Variants in SOX6 observed in about 807,000 individuals in gnomAD.
The protein encoded by SOX6 is SRY-box transcription factor 6, also known as transcription factor SOX-6.
A neutral mutation model predicts 97.8 loss-of-function variants in SOX6; 11 were observed. The observed-to-expected ratio is 0.11, with a 90% CI of 0.07 to 0.19. The LOEUF is 0.19. Among genes scored for constraint, SOX6 ranks in the 10% least tolerant of loss-of-function variants. The pLI, the probability that SOX6 is intolerant of heterozygous loss-of-function variation, is 1.00. For synonymous variants in SOX6, 360 were observed against 371.4 expected (o/e 0.97, Z 0.35); for missense variants, 810 against 1,039.5 (o/e 0.78, Z 3.04).
At chr11:16,372,463 A>G (rs928069207) in intron 1 of SOX6, among the ~76,000 whole-genome samples, 4 of 152,144 alleles carry the variant, frequency 2.6e-5, no homozygotes, top group African/African-American at 9.6e-5. Flanking sequence ...AGAGCCAACT[A>G]ATCAAGGTTG....
chr11:16,042,326 G>A (rs1410982062), intron 12 of SOX6, among the ~76,000 whole-genome samples: 1 of 152,032 alleles, frequency 6.6e-6, no homozygotes, highest in Admixed American at 6.6e-5. Context: ...TTTCCTGACT[G>A]GTAGCTTTCC....
intron 6 of SOX6, among the ~76,000 whole-genome samples, chr11:16,150,265 C>A (rs768305315): frequency 3.9e-5 from 6 of 152,068 alleles, no homozygotes; most frequent in Non-Finnish European, 8.8e-5. Context: ...TATAAGTAAC[C>A]ACTATTCAGA....
In SOX6 at chr11:16,271,037, C is replaced by T. The variant is rs1240202595; in HGVS notation, c.446-36366G>A. Among the ~76,000 whole-genome samples the T allele has an allele frequency of 2.0e-5, 3 of 150,986 alleles. No homozygotes were observed. In the East Asian group the frequency reaches 5.8e-4, roughly 29 times the overall value. On this transcript the variant is annotated intron_variant, in intron 3 of 15. Coordinates refer to ENST00000683767, the MANE Select transcript of SOX6 (RefSeq NM_001367873.1). ...AACTTTTATGTTATATTTATTTTACCACAGTAGAAATCAGAGAAAGAATAC... is the reference window on the plus strand; with the variant it reads ...AACTTTTATGTTATATTTATTTTACTACAGTAGAAATCAGAGAAAGAATAC...
At chr11:16,641,719 A>G (rs1848917627) in intron 3 of SOX6, among the ~76,000 whole-genome samples, 2 of 152,076 alleles carry the variant, frequency 1.3e-5, no homozygotes, top group Non-Finnish European at 2.9e-5. Context: ...TCAGAGACTA[A>G]GATTGCAACC....
At chr11:16,133,932 GC>G (rs1198213780) in intron 6 of SOX6, among the ~76,000 whole-genome samples, 1 of 152,134 alleles carries the variant, frequency 6.6e-6, no homozygotes, top group African/African-American at 2.4e-5. Flanking sequence ...TGATCTGCCT[GC>G]CTTGGACTCC....
rs191461867 is a variant in SOX6, at chr11:16,638,416, T to C, written n.430-26156A>G. ...CATGATTTATAATCCTTTGGGTATA[T>C]ACCAAAGGATTATACCCAGTAATGG... On this transcript the variant is annotated intron_variant and non_coding_transcript_variant, in intron 3 of 5. Coordinates refer to the SOX6 transcript ENST00000524520. Among the ~76,000 whole-genome samples, 1,219 of 152,280 alleles carry C rather than the reference T, an allele frequency of 8.0e-3. 20 individuals are homozygous for C. The highest frequency in any genetic ancestry group is 0.027 in the African/African-American group (1,106 of 41,546).
In SOX6 at chr11:15,969,219, C is replaced by T. The variant is rs1853234468; in HGVS notation, c.*3590G>A. 6.6e-6 allele frequency: 1 copy of T among 151,984 alleles called. No individual in the cohort carries two copies. Among genetic ancestry groups the T allele is most frequent in the Non-Finnish European group, 1.5e-5 (1 of 68,022 alleles). 9.4% of individuals were successfully genotyped at this position (151,984 alleles called of 1,614,324 possible). A position where few individuals can be genotyped will look rare whatever the true frequency, so the allele number is the denominator to read the frequency against. On this transcript the variant is annotated 3_prime_UTR_variant, in exon 16 of 16. Coordinates refer to ENST00000683767, the MANE Select transcript of SOX6 (RefSeq NM_001367873.1). ...TGAAGATACTATGAAATAGGGAGCA[C>T]CGCAAAAACAAAGTTGCTTAACATT...
chr11:16,489,261 C>A (rs567169420), intron 4 of SOX6, among the ~76,000 whole-genome samples: 39 of 152,236 alleles, frequency 2.6e-4, no homozygotes, highest in Non-Finnish European at 4.4e-4. Context: ...ACAGAGTTCA[C>A]ACTTGCAAAG....
At chr11:16,655,520 T>C (rs1029155143) in intron 3 of SOX6, among the ~76,000 whole-genome samples, 1 of 152,214 alleles carries the variant, frequency 6.6e-6, no homozygotes, top group African/African-American at 2.4e-5. Flanking sequence ...AGTTCTGCAA[T>C]TCACAGTCCT....
intron 4 of SOX6, among the ~76,000 whole-genome samples, chr11:16,535,301 A>G (rs1342959442): frequency 6.6e-6 from 1 of 152,230 alleles, no homozygotes; most frequent in African/African-American, 2.4e-5. Flanking sequence ...CTAACAGGGA[A>G]AGCTATTATT....
At chr11:16,714,580 T>C (rs1400469864) in intron 3 of SOX6, among the ~76,000 whole-genome samples, 1 of 149,488 alleles carries the variant, frequency 6.7e-6, no homozygotes, top group Non-Finnish European at 1.5e-5. Context: ...GCCTCCCGAA[T>C]AGCTGGGACT....
chr11:16,295,714 C>T (rs1400285808), intron 3 of SOX6, among the ~76,000 whole-genome samples: 5 of 152,038 alleles, frequency 3.3e-5, no homozygotes, highest in Non-Finnish European at 7.4e-5. Context: ...CCCATTCACA[C>T]CGATTTTAAT....
At chr11:16,107,398 T>TACATATATAC (rs1590200860) in intron 7 of SOX6, among the ~76,000 whole-genome samples, 1 of 147,326 alleles carries the variant, frequency 6.8e-6, no homozygotes, top group East Asian at 2.0e-4. Flanking sequence ...TATATATGTA[T>TACATATATAC]ATATATGTAT....
intron 4 of SOX6, among the ~76,000 whole-genome samples, chr11:16,575,568 G>T (rs1847979348): frequency 6.6e-6 from 1 of 152,086 alleles, no homozygotes; most frequent in Non-Finnish European, 1.5e-5. Flanking sequence ...CAATGAAGTA[G>T]GTCTTCATGA....
rs1803968800 is a variant in SOX6 at position 16,491,647 on chromosome 11, C to G, written n.610-15259G>C. ...AGAATAGACTTGATCTATCAGATATCAAGATAAACTATAAAGCAACAGTAA... is the reference window on the plus strand; with the variant it reads ...AGAATAGACTTGATCTATCAGATATGAAGATAAACTATAAAGCAACAGTAA... On this transcript the variant is annotated intron_variant and non_coding_transcript_variant, in intron 4 of 5. Transcript: ENST00000524520. 2.0e-5 allele frequency among the ~76,000 whole-genome samples: 3 copies of G among 152,060 alleles called. No individual in the cohort carries two copies. In the South Asian group the frequency reaches 6.2e-4, roughly 32 times the overall value.
chr11:16,228,059 G>A (rs1272016429), intron 4 of SOX6, among the ~76,000 whole-genome samples: 2 of 151,970 alleles, frequency 1.3e-5, no homozygotes, highest in African/African-American at 2.4e-5. Flanking sequence ...CTAGCCAGGC[G>A]TGGTGGCACA....
At chr11:16,482,837 C>T (rs1016244159) in intron 4 of SOX6, among the ~76,000 whole-genome samples, 2 of 152,158 alleles carry the variant, frequency 1.3e-5, no homozygotes, top group Non-Finnish European at 2.9e-5. Context: ...AAAATTTTTA[C>T]TGTTTCATCT....
chr11:16,617,699 G>C (rs988616280), intron 3 of SOX6, among the ~76,000 whole-genome samples: 10 of 151,794 alleles, frequency 6.6e-5, no homozygotes, highest in African/African-American at 2.2e-4. Flanking sequence ...TTTAGAAATA[G>C]AGTACGAGCC....
chr11:16,184,012 C>G, intron 5 of SOX6, 58 bp from the exon 6 acceptor site: 1 of 1,430,320 alleles, frequency 7.0e-7, no homozygotes, highest in Non-Finnish European at 9.8e-7. Flanking sequence ...CTGCCATTAC[C>G]TCAGGTATTT....
Sources: gnomAD v4.1 joint callset for allele counts (sites outside exome capture counted in the v4.1 genomes callset) on GRCh38, gnomAD v4.1.1 for gene constraint, MANE v1.5 for transcripts, NCBI Gene and HGNC (gene_info 2026-07-23, HGNC 2026-07-21) for gene names.